The following PACS1 variants were observed in gnomAD, a reference collection of about 807,000 sequenced individuals.
The protein encoded by PACS1 is phosphofurin acidic cluster sorting protein 1.
PACS1 carries 24 observed loss-of-function variants against 115.0 expected under a neutral mutation model. The observed-to-expected ratio is 0.21, with a 90% CI of 0.15 to 0.29. The LOEUF (loss-of-function observed/expected upper bound fraction) is 0.29. PACS1 is among the 10% of genes least tolerant of loss of function. The pLI is 1.00. For synonymous variants in PACS1, 453 were observed against 504.5 expected (o/e 0.90, Z 1.37); for missense variants, 838 against 1,251.2 (o/e 0.67, Z 4.98).
intron 1 of PACS1, among the ~76,000 whole-genome samples, chr11:66,136,155 CA>C (rs1858838858): frequency 6.6e-6 from 1 of 152,150 alleles, no homozygotes; most frequent in Non-Finnish European, 1.5e-5. Flanking sequence ...TGAGACCTCA[CA>C]CTCAACCCTC....
At chr11:66,133,415 A>AC (rs1858747971) in intron 1 of PACS1, among the ~76,000 whole-genome samples, 1 of 152,178 alleles carries the variant, frequency 6.6e-6, no homozygotes, top group South Asian at 2.1e-4. Flanking sequence ...ATCACTGTGC[A>AC]CAGATGCTTG....
intron 1 of PACS1, among the ~76,000 whole-genome samples, chr11:66,090,536 T>G (rs1398087296): frequency 6.6e-6 from 1 of 152,158 alleles, no homozygotes; most frequent in East Asian, 1.9e-4. Context: ...CCCAAAGTGC[T>G]GGGATTACAG....
chr11:66,221,018 T>C, intron 9 of PACS1, 136 bp from the exon 10 acceptor site: 1 of 912,102 alleles, frequency 1.1e-6, no homozygotes, highest in Non-Finnish European at 1.8e-6. Context: ...CTCTTCACCC[T>C]GCACTTCCCT....
intron 7 of PACS1, chr11:66,217,216 C>T (rs930965561): frequency 1.1e-5 from 3 of 284,112 alleles, no homozygotes; most frequent in Non-Finnish European, 2.1e-5. Context: ...TCCTATGACC[C>T]TGGGCTTGCT....
In PACS1 at chr11:66,211,172, G is replaced by A. The variant is rs142927052; in HGVS notation, c.573G>A (p.Gln191=). The change falls in exon 4 of 24, where the codon CAG becomes CAA. Residue 191 remains glutamine, a synonymous_variant. Transcript: ENST00000320580. ...HFLKRDANKL[Q]IMLQRRKRYK... ...TTAAGCGAGATGCCAACAAGCTGCA[G>A]ATCATGCTGCAAAGGAGAAAACGTT... The A allele has an allele frequency of 2.3e-4, 376 of 1,613,746 alleles. No individual in the cohort carries two copies. The highest frequency in any genetic ancestry group is 2.9e-4 in the Non-Finnish European group (345 of 1,179,800).
At chr11:66,090,568 C>A (rs889767967) in intron 1 of PACS1, among the ~76,000 whole-genome samples, 4 of 152,120 alleles carry the variant, frequency 2.6e-5, no homozygotes, top group African/African-American at 9.7e-5. Flanking sequence ...CGTGCCCTGC[C>A]TAAAAGTGGC....
intron 21 of PACS1, chr11:66,241,130 A>C (rs766632182): frequency 5.7e-5 from 21 of 367,164 alleles, no homozygotes; most frequent in Non-Finnish European, 9.8e-5. Flanking sequence ...GCATGCACTT[A>C]TGTACACACA....
intron 1 of PACS1, among the ~76,000 whole-genome samples, chr11:66,144,069 T>C (rs1201140952): frequency 1.3e-5 from 2 of 152,240 alleles, no homozygotes; most frequent in African/African-American, 4.8e-5. Flanking sequence ...GGTAACAATA[T>C]TGAAAAATGC....
At chr11:66,164,608 TA>T (rs1859560625) in intron 1 of PACS1, among the ~76,000 whole-genome samples, 1 of 144,600 alleles carries the variant, frequency 6.9e-6, no homozygotes, top group Admixed American at 7.0e-5. Flanking sequence ...ATATAATACA[TA>T]TATATATGTA....
intron 1 of PACS1, among the ~76,000 whole-genome samples, chr11:66,093,272 C>T (rs1324111960): frequency 6.6e-6 from 1 of 151,968 alleles, no homozygotes; most frequent in Non-Finnish European, 1.5e-5. Context: ...AGAGTCAAGA[C>T]CCATCAGTGT....
At chr11:66,207,480 C>A (rs973996289) in intron 2 of PACS1, among the ~76,000 whole-genome samples, 26 of 152,214 alleles carry the variant, frequency 1.7e-4, no homozygotes, top group African/African-American at 6.3e-4. Flanking sequence ...TAACAAAAAC[C>A]TTAATATCAC....
At chr11:66,147,511 T>G (rs969576156) in intron 1 of PACS1, among the ~76,000 whole-genome samples, 4 of 152,048 alleles carry the variant, frequency 2.6e-5, no homozygotes, top group Admixed American at 2.6e-4. Flanking sequence ...AAGAGGAAAA[T>G]GATAACAATG....
chr11:66,188,592 T>G (rs1854441948), intron 1 of PACS1, among the ~76,000 whole-genome samples: 1 of 152,186 alleles, frequency 6.6e-6, no homozygotes, highest in African/African-American at 2.4e-5. Flanking sequence ...AGGAGTGTCA[T>G]CAGGGAAAGA....
intron 1 of PACS1, among the ~76,000 whole-genome samples, chr11:66,112,480 GCCT>G (rs1304487546): frequency 6.6e-6 from 1 of 152,138 alleles, no homozygotes; most frequent in Non-Finnish European, 1.5e-5. Flanking sequence ...TTAGTCACAT[GCCT>G]CTCGTTGCTT....
rs556285535 is a variant in PACS1, at chr11:66,232,999, G to C, written c.1771G>C (p.Val591Leu). 6.2e-7 allele frequency: 1 copy of C among 1,612,814 alleles called. No individual in the cohort carries two copies. Among genetic ancestry groups the C allele is most frequent in the Non-Finnish European group, 8.5e-7 (1 of 1,180,000 alleles). ...ELLQDQRKPV[V>L]CTCSTVEVQA... ...GCTCCAGGACCAGCGGAAGCCTGTG[G>C]TGTGCACCTGCTCCACCGTGGAGGT... Residue 591 changes from valine to leucine, a missense_variant, in exon 15 of 24, where the codon GTG (valine) becomes CTG (leucine). Val to Leu is a conservative substitution (Grantham distance 32). Transcript: ENST00000320580.
intron 1 of PACS1, among the ~76,000 whole-genome samples, chr11:66,134,079 G>A (rs954247881): frequency 6.6e-6 from 1 of 151,738 alleles, no homozygotes. Flanking sequence ...TGATCACATT[G>A]TCATTGTTCC....
chr11:66,236,062 C>T lies in PACS1; in HGVS notation c.2250+122C>T. On this transcript the variant is annotated intron_variant, in intron 19 of 23. Transcript: ENST00000320580. The surrounding 1 kb of genome is among the most constrained non-coding windows in gnomAD (Gnocchi z 4.2). ...GTTCTCCAGACACTGGAGATTTTGC[C>T]TCCAGGGACTACCTGGCAGTGTCTG... The T allele has an allele frequency of 1.1e-6, 1 of 916,210 alleles. No individual in the cohort carries two copies. Among genetic ancestry groups the T allele is most frequent in the Non-Finnish European group, 1.8e-6 (1 of 547,978 alleles). The allele number at this position is 916,210 out of a possible 1,614,324, so 56.8% of individuals were successfully genotyped here.
chr11:66,238,019 G>C lies in PACS1; in HGVS notation c.2251-785G>C, dbSNP rs188947281. ...GCCTCTTTGCCTAGGCCTGGGCCCA[G>C]GTGATAGGGCCCAGGACTTTACCTG... On this transcript the variant is annotated intron_variant, in intron 19 of 23. Coordinates refer to ENST00000320580, the MANE Select transcript of PACS1 (RefSeq NM_018026.4). The C allele has an allele frequency of 2.3e-5, 22 of 975,482 alleles. No individual in the cohort carries two copies. In the East Asian group the frequency reaches 1.6e-3, roughly 71 times the overall value. 60.4% of individuals were successfully genotyped at this position (975,482 alleles called of 1,614,324 possible).
At chr11:66,193,427 C>T (rs1854574341) in intron 1 of PACS1, 59 bp from the exon 2 acceptor site, 1 of 1,184,094 alleles carries the variant, frequency 8.4e-7, no homozygotes, top group South Asian at 1.2e-5. Context: ...ACCAATTGTT[C>T]ATCACTTTTC....
Sources: gnomAD v4.1 joint callset for allele counts (sites outside exome capture counted in the v4.1 genomes callset) on GRCh38, gnomAD v4.1.1 for gene constraint, Gnocchi (gnomAD v3.1) non-coding constraint, MANE v1.5 for transcripts, NCBI Gene and HGNC (gene_info 2026-07-23, HGNC 2026-07-21) for gene names.